Variants in RAB30 observed in about 807,000 individuals in gnomAD.
The protein encoded by RAB30 is RAB30, member RAS oncogene family, also known as ras-related protein Rab-30.
In RAB30, 9 loss-of-function variants were observed where a neutral mutation model predicts 25.1. The ratio of observed to expected loss-of-function variants is 0.36; its 90% confidence interval spans 0.22 to 0.63. RAB30 has a LOEUF of 0.63. RAB30 is among the 20% of genes least tolerant of loss of function. RAB30 has a pLI of 0.69. For synonymous variants in RAB30, 77 were observed against 86.4 expected, an observed-to-expected ratio of 0.89 and a Z score of 0.60; for missense variants, 140 against 243.5, an observed-to-expected ratio of 0.58 and a Z score of 2.83.
chr11:83,009,614 A>G (rs1366176560), intron 1 of RAB30, among the ~76,000 whole-genome samples: 1 of 141,714 alleles, frequency 7.1e-6, no homozygotes, highest in Admixed American at 6.7e-5. Context: ...AAAAATAAAT[A>G]AAATAAAATA....
intron 1 of RAB30, among the ~76,000 whole-genome samples, chr11:83,056,114 G>A (rs11604314): frequency 0.067 from 10,260 of 152,140 alleles, 762 homozygotes; most frequent in African/African-American, 0.18. Flanking sequence ...TTGATGTGCA[G>A]CCAATCTATA....
intron 1 of RAB30, among the ~76,000 whole-genome samples, chr11:83,011,474 A>G (rs1462258803): frequency 1.3e-5 from 2 of 152,240 alleles, no homozygotes; most frequent in Non-Finnish European, 2.9e-5. Context: ...AAATGGACCA[A>G]TCAAGGTTCC....
intron 1 of RAB30, among the ~76,000 whole-genome samples, chr11:83,005,566 T>C (rs1165672264): frequency 6.6e-6 from 1 of 152,176 alleles, no homozygotes; most frequent in African/African-American, 2.4e-5. Context: ...GAGGTCTGTC[T>C]CACTCCTTAT....
At chr11:83,005,064 C>A (rs1387119436) in intron 1 of RAB30, among the ~76,000 whole-genome samples, 1 of 152,198 alleles carries the variant, frequency 6.6e-6, no homozygotes, top group South Asian at 2.1e-4. Context: ...GCTCCTTATT[C>A]ACCAGACTGT....
At chr11:83,031,819 G>A (rs538426706) in intron 1 of RAB30, among the ~76,000 whole-genome samples, 2 of 151,994 alleles carry the variant, frequency 1.3e-5, no homozygotes, top group African/African-American at 2.4e-5. Context: ...GAGCCACCAG[G>A]CCTGGCCTGC....
At chr11:83,015,194 T>C (rs1857409464) in intron 1 of RAB30, among the ~76,000 whole-genome samples, 1 of 152,180 alleles carries the variant, frequency 6.6e-6, no homozygotes, top group African/African-American at 2.4e-5. Flanking sequence ...GAGGGTATGA[T>C]GGTGTGGATA....
intron 1 of RAB30, among the ~76,000 whole-genome samples, chr11:83,021,671 G>A (rs1210304617): frequency 1.3e-5 from 2 of 152,230 alleles, no homozygotes; most frequent in African/African-American, 4.8e-5. Context: ...AGCACAGCCT[G>A]CCAGGCCGAG....
chr11:83,050,482 G>A lies in RAB30; in HGVS notation c.-9+21209C>T, dbSNP rs563743572. 4.2e-4 allele frequency among the ~76,000 whole-genome samples: 64 copies of A among 152,218 alleles called. No homozygotes were observed. In the South Asian group the frequency reaches 0.012, roughly 28 times the overall value. On this transcript the variant is annotated intron_variant, in intron 1 of 4. Transcript: ENST00000527633. ...TGATGGAAAAGGAGGAGAGGGGATC[G>A]CTGAAAATGAAAAGGGGAGAGGCAG...
At chr11:83,056,952 C>T (rs1404876874) in intron 1 of RAB30, among the ~76,000 whole-genome samples, 1 of 152,062 alleles carries the variant, frequency 6.6e-6, no homozygotes, top group Non-Finnish European at 1.5e-5. Flanking sequence ...AAAAAGCATG[C>T]AGAATTCTAA....
intron 1 of RAB30, among the ~76,000 whole-genome samples, chr11:83,056,733 T>G (rs151221517): frequency 4.7e-4 from 71 of 152,320 alleles, no homozygotes; most frequent in African/African-American, 1.6e-3. Flanking sequence ...AGTCATACGA[T>G]CTTAGGCATG....
chr11:82,989,777 C>T (rs1188335746), intron 3 of RAB30, among the ~76,000 whole-genome samples: 1 of 152,248 alleles, frequency 6.6e-6, no homozygotes, highest in Admixed American at 6.5e-5. Flanking sequence ...CTGTTTCTAG[C>T]TGACAGTTGA....
intron 3 of RAB30, among the ~76,000 whole-genome samples, chr11:82,988,067 C>T (rs1209129554): frequency 1.3e-5 from 2 of 151,866 alleles, no homozygotes; most frequent in East Asian, 1.9e-4. Context: ...ATAGGAAATT[C>T]GTCAAGCATT....
In RAB30 at chr11:82,974,952, T is replaced by TC. The variant is rs1856517993; in HGVS notation, c.*7212_*7213insG. The TC allele has an allele frequency of 6.6e-6, 1 of 150,836 alleles. No individual in the cohort carries two copies. The highest frequency in any genetic ancestry group is 1.9e-4 in the East Asian group (1 of 5,180). The allele number at this position is 150,836 out of a possible 1,614,324, so 9.3% of individuals were successfully genotyped here. On this transcript the variant is annotated 3_prime_UTR_variant, in exon 5 of 5. Transcript: ENST00000527633. Reference sequence around the variant, plus strand: ...CAGAGTTTGTTGTTTTTTCTTTTTTTTTTTTTTTTTGCTGAAAACAGAAAT... The same window carrying TC: ...CAGAGTTTGTTGTTTTTTCTTTTTTTCTTTTTTTTTTGCTGAAAACAGAAAT...
intron 1 of RAB30, among the ~76,000 whole-genome samples, chr11:83,006,125 T>C (rs1857179987): frequency 6.6e-6 from 1 of 152,184 alleles, no homozygotes; most frequent in East Asian, 1.9e-4. Flanking sequence ...TGTATACTAC[T>C]GGTGGGAGGT....
chr11:83,071,166 A>G (rs1565296147), intron 1 of RAB30, among the ~76,000 whole-genome samples: 14 of 152,244 alleles, frequency 9.2e-5, no homozygotes. Context: ...GACAAACCAC[A>G]TAGACATACA....
chr11:83,035,937 T>G (rs1307108207), intron 1 of RAB30, among the ~76,000 whole-genome samples: 2 of 152,184 alleles, frequency 1.3e-5, no homozygotes, highest in Non-Finnish European at 2.9e-5. Flanking sequence ...GATAGAACTC[T>G]TCTATGCATG....
rs553265781 is a variant in RAB30 at position 83,064,213 on chromosome 11, C to T, written c.-9+7478G>A. Among the ~76,000 whole-genome samples, 5 of 152,290 alleles carry T rather than the reference C, an allele frequency of 3.3e-5. No individual in the cohort carries two copies. In the East Asian group the frequency reaches 9.7e-4, roughly 29 times the overall value. On this transcript the variant is annotated intron_variant, in intron 1 of 4. Transcript: ENST00000527633. ...AAGGGATCCTCCTGCCTCAGCCGCA[C>T]CCTTCCCCATAGCTGGGACACAGGT...
At chr11:83,051,910 G>C (rs1476697071) in intron 1 of RAB30, among the ~76,000 whole-genome samples, 2 of 152,146 alleles carry the variant, frequency 1.3e-5, no homozygotes, top group Non-Finnish European at 2.9e-5. Flanking sequence ...AATTACTCTG[G>C]GGTAAATAGT....
At chr11:82,984,114 C>G (rs1856693474) in intron 4 of RAB30, among the ~76,000 whole-genome samples, 1 of 152,142 alleles carries the variant, frequency 6.6e-6, no homozygotes, top group African/African-American at 2.4e-5. Flanking sequence ...TCCAGGAAAC[C>G]TGACAAAGGT....
Sources: allele counts gnomAD v4.1 joint callset (sites outside exome capture counted in the v4.1 genomes callset), GRCh38; gene constraint gnomAD v4.1.1; transcripts MANE v1.5; gene names NCBI Gene and HGNC (gene_info 2026-07-23, HGNC 2026-07-21).